The following ARK2C variants were observed in gnomAD, a reference collection of about 807,000 sequenced individuals.
ARK2C encodes the protein arkadia (RNF111) C-terminal like ring finger ubiquitin ligase 2C, also known as E3 ubiquitin-protein ligase ARK2C.
chr18:46,415,915 A>G, the ARK2C span, among the ~76,000 whole-genome samples: 12 of 152,142 alleles, frequency 7.9e-5, no homozygotes, highest in African/African-American at 2.9e-4. Flanking sequence ...AGGAGAGGTA[A>G]GCAGGGAGGC....
At chr18:46,334,641 T>G in the ARK2C span, 995 of 450,080 alleles carry the variant, frequency 2.2e-3, 10 homozygotes, top group Non-Finnish European at 2.3e-3. This position sits in a 1 kb window ranked among gnomAD's most constrained non-coding sequence, Gnocchi z 4.4. Flanking sequence ...TACCTAGCCC[T>G]GTATGATCGA....
the ARK2C span, among the ~76,000 whole-genome samples, chr18:46,370,186 G>C: frequency 3.3e-5 from 5 of 152,188 alleles, no homozygotes; most frequent in African/African-American, 4.8e-5. Context: ...ATTAACATTT[G>C]TGAGGACCAT....
At chr18:46,440,836 T>C in the ARK2C span, among the ~76,000 whole-genome samples, 1 of 152,158 alleles carries the variant, frequency 6.6e-6, no homozygotes, top group Admixed American at 6.5e-5. Flanking sequence ...TACATCTTTG[T>C]TCATGAGTAA....
At chr18:46,427,704 A>AT in the ARK2C span, among the ~76,000 whole-genome samples, 3 of 152,228 alleles carry the variant, frequency 2.0e-5, no homozygotes, top group African/African-American at 2.4e-5. Context: ...ACAAGCAGGT[A>AT]TTTACTGGGT....
At chr18:46,360,849 T>C in the ARK2C span, among the ~76,000 whole-genome samples, 7 of 152,188 alleles carry the variant, frequency 4.6e-5, no homozygotes, top group Non-Finnish European at 7.4e-5. Context: ...CCTTGGGGTG[T>C]TCAGCAGCGG....
chr18:46,383,757 T>G, the ARK2C span, among the ~76,000 whole-genome samples: 2 of 151,700 alleles, frequency 1.3e-5, no homozygotes, highest in Admixed American at 1.3e-4. Context: ...GGTTTCACCG[T>G]GTTGGCCAGG....
At chr18:46,434,203 T>G in the ARK2C span, among the ~76,000 whole-genome samples, 3 of 152,190 alleles carry the variant, frequency 2.0e-5, no homozygotes, top group East Asian at 5.8e-4. Context: ...CTCAAACTTT[T>G]TGGTCTCAGG....
chr18:46,388,995 G>A, the ARK2C span, among the ~76,000 whole-genome samples: 550 of 152,250 alleles, frequency 3.6e-3, 3 homozygotes, highest in African/African-American at 0.013. Flanking sequence ...ATTGACTCTC[G>A]GTTCACGAGG....
At chr18:46,424,093 C>T in the ARK2C span, among the ~76,000 whole-genome samples, 1 of 152,334 alleles carries the variant, frequency 6.6e-6, no homozygotes, top group Admixed American at 6.5e-5. Flanking sequence ...CATACACAAA[C>T]AAAATGCCAA....
the ARK2C span, among the ~76,000 whole-genome samples, chr18:46,428,167 T>C: frequency 2.6e-5 from 4 of 152,084 alleles, no homozygotes; most frequent in South Asian, 2.1e-4. Context: ...TCCCAGCACG[T>C]TGGGAGGCCG....
At chr18:46,450,275 A>G in the ARK2C span, 1 of 1,538,044 alleles carries the variant, frequency 6.5e-7, no homozygotes, top group Non-Finnish European at 9.0e-7. Context: ...TGCTCTATCC[A>G]AGGCGTTTTC....
chr18:46,398,824 C>A, the ARK2C span, among the ~76,000 whole-genome samples: 80 of 152,124 alleles, frequency 5.3e-4, 1 homozygote, highest in Admixed American at 5.1e-3. Context: ...TGTCCTTTGA[C>A]CTGCTGGCTT....
chr18:46,450,096 T>A, the ARK2C span, among the ~76,000 whole-genome samples: 25 of 152,310 alleles, frequency 1.6e-4, no homozygotes, highest in Non-Finnish European at 3.5e-4. Flanking sequence ...ACTTTATTAA[T>A]TCTGTTATTC....
At chr18:46,382,092 G>A in the ARK2C span, among the ~76,000 whole-genome samples, 1 of 152,198 alleles carries the variant, frequency 6.6e-6, no homozygotes, top group Non-Finnish European at 1.5e-5. Flanking sequence ...GTAGAGCCAG[G>A]TTGGCTTTGG....
At chr18:46,367,687 C>T in the ARK2C span, among the ~76,000 whole-genome samples, 28 of 152,256 alleles carry the variant, frequency 1.8e-4, no homozygotes, top group African/African-American at 5.8e-4. Flanking sequence ...AGTTACTCTA[C>T]CAAACTGGCC....
chr18:46,383,830 C>A, the ARK2C span, among the ~76,000 whole-genome samples: 1 of 152,158 alleles, frequency 6.6e-6, no homozygotes, highest in Non-Finnish European at 1.5e-5. Flanking sequence ...GGATCACAGG[C>A]GTGAGCCACC....
the ARK2C span, among the ~76,000 whole-genome samples, chr18:46,425,208 G>A: frequency 1.3e-5 from 2 of 152,158 alleles, no homozygotes; most frequent in Non-Finnish European, 1.5e-5. Flanking sequence ...GCGGGAACTC[G>A]GGCTTCCGGG....
chr18:46,383,184 C>T, the ARK2C span, among the ~76,000 whole-genome samples: 1 of 152,232 alleles, frequency 6.6e-6, no homozygotes, highest in Non-Finnish European at 1.5e-5. Context: ...AAGGGAGATG[C>T]CGTCAGGCCC....
At chr18:46,456,628 G>A in the ARK2C span, 60 of 1,610,306 alleles carry the variant, frequency 3.7e-5, no homozygotes, top group Non-Finnish European at 4.7e-5. Context: ...ACTGGGAGCC[G>A]ACAGCTGAGG....
Sources: gnomAD v4.1 joint callset for allele counts (sites outside exome capture counted in the v4.1 genomes callset) on GRCh38, gnomAD v4.1.1 for gene constraint, Gnocchi (gnomAD v3.1) non-coding constraint, MANE v1.5 for transcripts, NCBI Gene and HGNC (gene_info 2026-07-23, HGNC 2026-07-21) for gene names.